The following RTP2 variants were observed in gnomAD, a reference collection of about 807,000 sequenced individuals.
The protein encoded by RTP2 is receptor-transporting protein 2.
A neutral mutation model predicts 17.9 loss-of-function variants in RTP2; 12 were observed. That is an observed-to-expected ratio of 0.67 (90% CI 0.43 to 1.09). RTP2 has a LOEUF of 1.09. RTP2 is among the 50% of genes least tolerant of loss of function. RTP2 has a pLI of 0.00. For synonymous variants in RTP2, 126 were observed against 117.7 expected, an observed-to-expected ratio of 1.07 and a Z score of -0.46; for missense variants, 327 against 295.7, an observed-to-expected ratio of 1.11 and a Z score of -0.78.
chr3:187,699,129 T>TAAAC, intron 1 of RTP2, 118 bp from the exon 2 acceptor site: 5 of 1,221,712 alleles, frequency 4.1e-6, no homozygotes, highest in Non-Finnish European at 5.6e-6. Context: ...AGGCAGTGTT[T>TAAAC]ACTGCCCTGT....
At chr3:187,701,978 G>C in exon 1 of RTP2, 1 of 1,602,956 alleles carries the variant, frequency 6.2e-7, no homozygotes, top group Non-Finnish European at 8.5e-7. Flanking sequence ...CCTGAGGCGT[G>C]CTGCTCCAGG....
At chr3:187,699,340 C>G (rs1394735329) in intron 1 of RTP2, among the ~76,000 whole-genome samples, 1 of 152,144 alleles carries the variant, frequency 6.6e-6, no homozygotes, top group Non-Finnish European at 1.5e-5. Context: ...GGTCATCCCC[C>G]CCTCTCTGGG....
At chr3:187,698,768 C>A (rs1471872712) in exon 2 of RTP2, 1 of 1,614,022 alleles carries the variant, frequency 6.2e-7, no homozygotes, top group African/African-American at 1.3e-5. Context: ...GGATGCGGTA[C>A]TGGCCACCAT....
At chr3:187,704,320 G>T (rs190088411), upstream of RTP2, among the ~76,000 whole-genome samples, 474 of 152,294 alleles carry the variant, frequency 3.1e-3, 1 homozygote, top group African/African-American at 0.01. Flanking sequence ...AGTAATGTAA[G>T]AAATGCCAGT....
chr3:187,715,675 G>C, the RTP2 span: 4 of 456,920 alleles, frequency 8.8e-6, no homozygotes, highest in South Asian at 6.2e-5. Flanking sequence ...ATCATCTGGA[G>C]AGCAAGAAGC....
chr3:187,707,222 C>T (rs1349312068), upstream of RTP2, among the ~76,000 whole-genome samples: 2 of 152,190 alleles, frequency 1.3e-5, no homozygotes, highest in Non-Finnish European at 2.9e-5. Flanking sequence ...CTTTTATGAG[C>T]TACCCTCAAA....
chr3:187,701,923 C>T (rs1252920590), intron 1 of RTP2, 42 bp downstream of exon 1: 2 of 1,529,228 alleles, frequency 1.3e-6, no homozygotes. Flanking sequence ...CAGCTGTGAC[C>T]CAGGGGCTGT....
the RTP2 span, chr3:187,715,474 T>C: frequency 3.1e-6 from 1 of 327,140 alleles, no homozygotes; most frequent in East Asian, 8.3e-5. Flanking sequence ...AACCATTTAG[T>C]GGCAGCACTG....
At chr3:187,699,120 G>A (rs1284323155) in intron 1 of RTP2, 109 bp from the exon 2 acceptor site, 1 of 1,326,074 alleles carries the variant, frequency 7.5e-7, no homozygotes, top group African/African-American at 1.5e-5. Context: ...TGGAGATGGA[G>A]GCAGTGTTTA....
intron 1 of RTP2, among the ~76,000 whole-genome samples, chr3:187,699,981 C>G (rs1315185567): frequency 3.3e-5 from 5 of 152,170 alleles, no homozygotes; most frequent in Non-Finnish European, 7.3e-5. Flanking sequence ...CTTTCCTTCC[C>G]TGAGATGAGC....
chr3:187,715,077 G>A, the RTP2 span, among the ~76,000 whole-genome samples: 1 of 152,114 alleles, frequency 6.6e-6, no homozygotes, highest in Admixed American at 6.5e-5. Flanking sequence ...CTCCGCAAAT[G>A]GCCCCCAGAC....
Position 187,699,136 on chromosome 3 carries a change from C to A in RTP2, c.165-125G>T. On this transcript the variant is annotated intron_variant, in intron 1 of 1. Coordinates refer to ENST00000358241, the Ensembl canonical transcript of RTP2. ...GGAGATGGAGGCAGTGTTTACTGCCCTGTGGATTCATTAGCACTCCAAGGC... is the reference window on the plus strand; with the variant it reads ...GGAGATGGAGGCAGTGTTTACTGCCATGTGGATTCATTAGCACTCCAAGGC... 8 of 1,180,436 alleles carry A rather than the reference C, an allele frequency of 6.8e-6. No individual in the cohort carries two copies. In the South Asian group the frequency reaches 1.3e-4, roughly 19 times the overall value. The allele number at this position is 1,180,436 out of a possible 1,614,324, so 73.1% of individuals were successfully genotyped here.
the RTP2 span, among the ~76,000 whole-genome samples, chr3:187,711,442 T>C: frequency 6.6e-6 from 1 of 152,232 alleles, no homozygotes; most frequent in Non-Finnish European, 1.5e-5. Context: ...TGAGTTGTTT[T>C]GAAGGAATTT....
exon 1 of RTP2, chr3:187,702,403 G>C (rs1717876815): frequency 1.8e-6 from 1 of 546,288 alleles, no homozygotes; most frequent in South Asian, 1.6e-5. Context: ...GTAGGCCTGA[G>C]AGGAGCAAGC....
At chr3:187,707,791 T>C in the RTP2 span, among the ~76,000 whole-genome samples, 1 of 152,228 alleles carries the variant, frequency 6.6e-6, no homozygotes, top group Non-Finnish European at 1.5e-5. Context: ...TCCCCATAAA[T>C]TGGCTGATGT....
At chr3:187,700,833 T>C (rs944771277) in intron 1 of RTP2, among the ~76,000 whole-genome samples, 4 of 152,192 alleles carry the variant, frequency 2.6e-5, no homozygotes, top group Non-Finnish European at 4.4e-5. Context: ...AGGTACCCAA[T>C]AGATGCTTCT....
chr3:187,701,960 C>T lies in RTP2; in HGVS notation c.164+5G>A, dbSNP rs774240471. ...TGCAAGGTCCCTCCCCACTGAACCT[C>T]TCACCTGCCTGAGGCGTGCTGCTCC... is the stretch of plus-strand genomic sequence containing the variant. On this transcript the variant is annotated splice_donor_5th_base_variant and intron_variant, in intron 1 of 1. Coordinates refer to ENST00000358241, the Ensembl canonical transcript of RTP2. 1.9e-6 allele frequency: 3 copies of T among 1,585,158 alleles called. No individual in the cohort carries two copies. Among genetic ancestry groups the T allele is most frequent in the Admixed American group, 3.4e-5 (2 of 58,016 alleles).
chr3:187,698,433 A>C, exon 2 of RTP2: 1 of 1,406,164 alleles, frequency 7.1e-7, no homozygotes. Flanking sequence ...TAGCAGGATC[A>C]AGTCCAGACT....
At chr3:187,701,873 G>GCCTTCC in intron 1 of RTP2, 92 bp downstream of exon 1, 1 of 1,183,634 alleles carries the variant, frequency 8.4e-7, no homozygotes, top group Non-Finnish European at 1.2e-6. Flanking sequence ...ACCAGAATAA[G>GCCTTCC]CCCGCGACTG....
Sources: allele counts gnomAD v4.1 joint callset (sites outside exome capture counted in the v4.1 genomes callset), GRCh38; gene constraint gnomAD v4.1.1; transcripts MANE v1.5; gene names NCBI Gene and HGNC (gene_info 2026-07-23, HGNC 2026-07-21).